Variants in MYH11 observed in about 807,000 individuals in gnomAD.
MYH11 encodes the protein myosin heavy chain 11, also known as myosin-11.
A neutral mutation model predicts 246.6 loss-of-function variants in MYH11; 80 were observed. That is an observed-to-expected ratio of 0.32 (90% confidence interval 0.27 to 0.39). MYH11 has a LOEUF of 0.39. MYH11 is among the 10% of genes least tolerant of loss of function. The probability of loss-of-function intolerance (pLI) is 1.00; values close to 1 mark genes in which losing one functional copy is unlikely to be tolerated. For synonymous variants in MYH11, 1,071 were observed against 1,015.5 expected, an observed-to-expected ratio of 1.05 and a Z score of -1.04; for missense variants, 2,158 against 2,546.8, an observed-to-expected ratio of 0.85 and a Z score of 3.29.
At chr16:15,751,222 G>T (rs377184163) in intron 15 of MYH11, among the ~76,000 whole-genome samples, 2 of 151,546 alleles carry the variant, frequency 1.3e-5, no homozygotes, top group Admixed American at 6.6e-5. Context: ...GTGCAATGGC[G>T]TGATCTCGGC....
chr16:15,813,583 T>G lies in MYH11; in HGVS notation c.502+9672A>C, dbSNP rs2043189217. 2.6e-5 allele frequency among the ~76,000 whole-genome samples: 4 copies of G among 152,254 alleles called. No homozygotes were observed. The South Asian group carries it at 8.3e-4, about 32-fold the overall frequency. The stretch of plus-strand genomic sequence containing the variant: ...TCCATGATTATTATTATCACTTCTT[T>G]GTAAAAGAAGGCATGAGAGAATTCC... On this transcript the variant is annotated intron_variant, in intron 3 of 40. Transcript: ENST00000300036.
chr16:15,744,628 G>A (rs1282175760), intron 20 of MYH11, among the ~76,000 whole-genome samples: 1 of 152,094 alleles, frequency 6.6e-6, no homozygotes, highest in Admixed American at 6.5e-5. Context: ...TTAGCCTCCT[G>A]AGTATCTGGG....
intron 1 of MYH11, among the ~76,000 whole-genome samples, chr16:15,847,088 C>T (rs904053942): frequency 3.3e-5 from 5 of 152,056 alleles, no homozygotes; most frequent in African/African-American, 1.2e-4. Flanking sequence ...AGCTAACATT[C>T]ACCACCTCGG....
At chr16:15,753,924 A>G (rs7204707) in intron 14 of MYH11, among the ~76,000 whole-genome samples, 17,609 of 152,044 alleles carry the variant, frequency 0.12, 2,015 homozygotes, top group African/African-American at 0.29. Context: ...TAAGCATGGC[A>G]GCCAAGCGTG....
At chr16:15,737,743 A>G (rs1035937577) in intron 24 of MYH11, 123 bp from the exon 25 acceptor site, 15 of 1,008,630 alleles carry the variant, frequency 1.5e-5, no homozygotes, top group Non-Finnish European at 2.1e-5. Flanking sequence ...TAACCATCAT[A>G]GTCACGGTCT....
intron 27 of MYH11, among the ~76,000 whole-genome samples, chr16:15,732,151 T>TA (rs1051512847): frequency 1.2e-4 from 18 of 151,760 alleles, no homozygotes; most frequent in African/African-American, 4.4e-4. Context: ...GTAGTAGAGA[T>TA]AGGGTTTCGC....
rs779166026 is a variant in MYH11, at chr16:15,718,449, G to T, written c.5172-11C>A. On this transcript the variant is annotated splice_polypyrimidine_tract_variant and intron_variant, in intron 36 of 40. Coordinates refer to ENST00000300036, the MANE Select transcript of MYH11 (RefSeq NM_002474.3). ...TCCTGGAGTGCGTTCCTGGGGGAAG[G>T]GCGGCCATGGTGGGGGCCTCTACCC... The T allele has an allele frequency of 1.3e-6, 2 of 1,550,512 alleles. No homozygotes were observed. The highest frequency in any genetic ancestry group is 1.7e-6 in the Non-Finnish European group (2 of 1,151,230).
At chr16:15,855,822 G>A (rs1424926126) in intron 1 of MYH11, among the ~76,000 whole-genome samples, 1 of 152,158 alleles carries the variant, frequency 6.6e-6, no homozygotes, top group Non-Finnish European at 1.5e-5. Context: ...ACTATGCAAA[G>A]CAGTTTATTA....
At chr16:15,844,466 G>A (rs1045714094) in intron 1 of MYH11, among the ~76,000 whole-genome samples, 1 of 152,112 alleles carries the variant, frequency 6.6e-6, no homozygotes, top group Non-Finnish European at 1.5e-5. Context: ...TCAAAGTGCT[G>A]ACATTACAGG....
At chr16:15,708,406 G>T (rs2151171961) in intron 40 of MYH11, among the ~76,000 whole-genome samples, 1 of 152,312 alleles carries the variant, frequency 6.6e-6, no homozygotes, top group East Asian at 1.9e-4. Flanking sequence ...TATTCATTCA[G>T]TGCAGTGTCT....
chr16:15,812,713 A>C (rs1596883580), intron 3 of MYH11, among the ~76,000 whole-genome samples: 1 of 151,820 alleles, frequency 6.6e-6, no homozygotes. Context: ...TCTCCACAAA[A>C]AATACAAAAA....
At position 15,737,485 on chromosome 16, in the gene MYH11, G is replaced by A. The variant is rs746576985; in HGVS notation, c.3257C>T (p.Ala1086Val). The change falls in exon 25 of 41, where the codon GCC (alanine) becomes GTC (valine). Residue 1086 changes from alanine (A) to valine (V), a missense_variant. By Grantham distance (64) the Ala-to-Val change is moderately conservative. Around this residue, in one of 11 missense-constraint regions of MYH11, gnomAD observed 284 missense variants for 315.4 expected, o/e 0.90. Transcript: ENST00000300036. ...AQIAELKMQL[A>V]KKEEELQAAL... Reference sequence around the variant, plus strand: ...CGCCTGCAGCTCCTCCTCCTTCTTGGCCAGCTGCATCTTGAGCTCTGCGAT... The same window carrying A: ...CGCCTGCAGCTCCTCCTCCTTCTTGACCAGCTGCATCTTGAGCTCTGCGAT... 3.1e-6 allele frequency: 5 copies of A among 1,613,694 alleles called. No individual in the cohort carries two copies. In the South Asian group the frequency reaches 5.5e-5, roughly 18 times the overall value.
At chr16:15,798,767 G>C in intron 3 of MYH11, 80 bp from the exon 4 acceptor site, 3 of 1,417,288 alleles carry the variant, frequency 2.1e-6, no homozygotes, top group African/African-American at 1.5e-5. Context: ...TCCTCCCAGG[G>C]CCCTCCCATT....
At chr16:15,845,298 AT>A (rs11436822) in intron 1 of MYH11, among the ~76,000 whole-genome samples, 188 of 139,900 alleles carry the variant, frequency 1.3e-3, no homozygotes, top group African/African-American at 1.9e-3. Context: ...TTTTTTCGCG[AT>A]TTTTTTTTTT....
chr16:15,832,660 C>G (rs1053593637), intron 2 of MYH11, among the ~76,000 whole-genome samples: 5 of 152,176 alleles, frequency 3.3e-5, no homozygotes, highest in African/African-American at 1.2e-4. Context: ...ATTAGTCTAG[C>G]ACCTAGTTAG....
chr16:15,795,985 A>G (rs1438498937), intron 4 of MYH11, among the ~76,000 whole-genome samples: 1 of 152,204 alleles, frequency 6.6e-6, no homozygotes, highest in Admixed American at 6.5e-5. Flanking sequence ...ATGAATAATG[A>G]GTGAATATTC....
intron 22 of MYH11, among the ~76,000 whole-genome samples, chr16:15,740,862 T>A (rs981217558): frequency 6.6e-6 from 1 of 152,168 alleles, no homozygotes; most frequent in Non-Finnish European, 1.5e-5. Context: ...ATAAAAGGCA[T>A]TGCGGCTTCC....
At chr16:15,755,537 C>G (rs1174283064) in intron 14 of MYH11, among the ~76,000 whole-genome samples, 1 of 152,148 alleles carries the variant, frequency 6.6e-6, no homozygotes, top group Non-Finnish European at 1.5e-5. Flanking sequence ...GCTCATAATC[C>G]CAGCACTTCA....
At chr16:15,845,298 A>ATTTT (rs11436822) in intron 1 of MYH11, among the ~76,000 whole-genome samples, 1 of 139,964 alleles carries the variant, frequency 7.1e-6, no homozygotes. Context: ...TTTTTTCGCG[A>ATTTT]TTTTTTTTTT....
Sources: gnomAD v4.1 joint callset for allele counts (sites outside exome capture counted in the v4.1 genomes callset) on GRCh38, gnomAD v4.1.1 for gene constraint, gnomAD v4.1.1 regional missense constraint, MANE v1.5 for transcripts, NCBI Gene and HGNC (gene_info 2026-07-23, HGNC 2026-07-21) for gene names.